Variants in VAV1 observed in about 807,000 individuals in gnomAD.
The protein encoded by VAV1 is vav guanine nucleotide exchange factor 1, also known as proto-oncogene vav.
A neutral mutation model predicts 128.1 loss-of-function variants in VAV1; 33 were observed. The ratio of observed to expected loss-of-function variants is 0.26; its 90% CI spans 0.20 to 0.34. The LOEUF (loss-of-function observed/expected upper bound fraction) is 0.34, where lower values mean the gene tolerates loss of function less well. VAV1 is among the 10% of genes least tolerant of loss of function. The probability of loss-of-function intolerance (pLI) is 1.00; values close to 1 mark genes in which losing one functional copy is unlikely to be tolerated. For missense variants in VAV1, 715 were observed against 1,093.7 expected (o/e 0.65, Z 4.88); for synonymous variants, 394 against 409.8 (o/e 0.96, Z 0.47).
At chr19:6,834,932 C>T (rs971237210) in intron 19 of VAV1, among the ~76,000 whole-genome samples, 5 of 151,504 alleles carry the variant, frequency 3.3e-5, no homozygotes, top group Non-Finnish European at 7.4e-5. Context: ...TCTACAAAAA[C>T]ATTTTTAAAA....
intron 1 of VAV1, among the ~76,000 whole-genome samples, chr19:6,778,017 A>G (rs957917804): frequency 1.3e-5 from 2 of 150,676 alleles, no homozygotes; most frequent in Admixed American, 6.6e-5. Context: ...GCTCACTGCA[A>G]CCTCCTCCTC....
intron 19 of VAV1, among the ~76,000 whole-genome samples, 186 bp downstream of exon 19, chr19:6,834,139 C>A (rs1032353211): frequency 1.3e-5 from 2 of 152,146 alleles, no homozygotes; most frequent in Non-Finnish European, 2.9e-5. Flanking sequence ...GTGCACACCA[C>A]CACGCCTAGC....
chr19:6,836,307 C>T (rs562423799), intron 19 of VAV1, 125 bp from the exon 20 acceptor site: 30 of 1,253,630 alleles, frequency 2.4e-5, no homozygotes, highest in South Asian at 2.4e-4. Flanking sequence ...AGTTTCTCCA[C>T]GTCCTTGTCA....
intron 1 of VAV1, among the ~76,000 whole-genome samples, chr19:6,787,361 A>G (rs1197477095): frequency 1.3e-5 from 2 of 151,982 alleles, no homozygotes; most frequent in Non-Finnish European, 2.9e-5. Context: ...TTTTTAGTAG[A>G]GATGGGGTTT....
chr19:6,801,381 T>C (rs1290055279), intron 1 of VAV1, among the ~76,000 whole-genome samples: 1 of 152,120 alleles, frequency 6.6e-6, no homozygotes, highest in East Asian at 1.9e-4. Flanking sequence ...GAACCAGATC[T>C]GCCTGACCCT....
chr19:6,856,616 C>T (rs1355000677), intron 26 of VAV1, among the ~76,000 whole-genome samples: 6 of 150,060 alleles, frequency 4.0e-5, no homozygotes, highest in South Asian at 2.1e-4. Context: ...CCCAGCTACT[C>T]GGGATGCTGA....
chr19:6,786,359 G>A (rs891611535), intron 1 of VAV1, among the ~76,000 whole-genome samples: 3 of 152,134 alleles, frequency 2.0e-5, no homozygotes. Flanking sequence ...CTACCCGGGA[G>A]GCTGAGATGG....
At chr19:6,831,644 G>A (rs3786688) in intron 14 of VAV1, among the ~76,000 whole-genome samples, 47,631 of 151,948 alleles carry the variant, frequency 0.31, 9,191 homozygotes, top group South Asian at 0.45. Context: ...TGTCTCCCTC[G>A]AGGAGCCAGT....
At chr19:6,788,350 TTTATTATTATTATTATTA>T (rs148778427) in intron 1 of VAV1, among the ~76,000 whole-genome samples, 2,542 of 141,964 alleles carry the variant, frequency 0.018, 34 homozygotes, top group South Asian at 0.063. Flanking sequence ...TTCTTTTTAT[TTTATTATTATTATTATTA>T]TTATTATTAT....
intron 1 of VAV1, among the ~76,000 whole-genome samples, chr19:6,787,334 C>T (rs574244741): frequency 6.6e-6 from 1 of 152,020 alleles, no homozygotes; most frequent in Admixed American, 6.6e-5. Context: ...CACCACAATG[C>T]CAGGCTAATT....
chr19:6,800,904 G>A (rs1043620571), intron 1 of VAV1, among the ~76,000 whole-genome samples: 1 of 152,116 alleles, frequency 6.6e-6, no homozygotes, highest in African/African-American at 2.4e-5. Context: ...TGGGATTACA[G>A]GCGTGAGCCA....
At chr19:6,809,665 G>A (rs1260975188) in intron 1 of VAV1, among the ~76,000 whole-genome samples, 1 of 152,156 alleles carries the variant, frequency 6.6e-6, no homozygotes, top group Admixed American at 6.5e-5. Context: ...GATTGACATG[G>A]TTAGATTTGC....
At chr19:6,830,534 G>C (rs868665126) in intron 14 of VAV1, among the ~76,000 whole-genome samples, 118 of 151,538 alleles carry the variant, frequency 7.8e-4, no homozygotes, top group African/African-American at 2.7e-3. Context: ...CTGGCTCCCA[G>C]GTTCAAGCAA....
intron 19 of VAV1, 158 bp from the exon 20 acceptor site, chr19:6,836,274 C>T: frequency 1.1e-6 from 1 of 913,030 alleles, no homozygotes; most frequent in Non-Finnish European, 1.6e-6. Flanking sequence ...AGAGTATCCC[C>T]ACCAGCAATG....
chr19:6,794,384 A>G (rs769119085), intron 1 of VAV1, among the ~76,000 whole-genome samples: 9 of 152,150 alleles, frequency 5.9e-5, no homozygotes, highest in Non-Finnish European at 1.2e-4. Flanking sequence ...CCATGCCTGT[A>G]ATTTCAGCAT....
chr19:6,814,671 C>CCTTCCTTCCTTCCTTCCTTCCTTCCTT, intron 1 of VAV1, among the ~76,000 whole-genome samples: 1 of 25,796 alleles, frequency 3.9e-5, no homozygotes, highest in African/African-American at 1.6e-4. Context: ...TTCCTTCCTT[C>CCTTCCTTCCTTCCTTCCTTCCTTCCTT]CTTTCTTTCT....
chr19:6,837,107 A>G, intron 21 of VAV1, 57 bp downstream of exon 21: 1 of 1,564,184 alleles, frequency 6.4e-7, no homozygotes. Context: ...GGGTCCTGGG[A>G]GGATGGACAG....
chr19:6,836,126 G>T (rs529554969), intron 19 of VAV1: 2 of 220,208 alleles, frequency 9.1e-6, no homozygotes, highest in Non-Finnish European at 1.9e-5. Context: ...TTCCTGCCTC[G>T]GCCTCCCAAA....
chr19:6,804,450 T>A (rs1971342105), intron 1 of VAV1, among the ~76,000 whole-genome samples: 1 of 152,104 alleles, frequency 6.6e-6, no homozygotes, highest in African/African-American at 2.4e-5. Flanking sequence ...AGAGTCTTGC[T>A]CTGTCGCCCA....
Sources: gnomAD v4.1 joint callset for allele counts (sites outside exome capture counted in the v4.1 genomes callset) on GRCh38, gnomAD v4.1.1 for gene constraint, MANE v1.5 for transcripts, NCBI Gene and HGNC (gene_info 2026-07-23, HGNC 2026-07-21) for gene names.